Variants in PI4K2B observed in about 807,000 individuals in gnomAD.
The protein encoded by PI4K2B is phosphatidylinositol 4-kinase type 2-beta.
Under a neutral mutation model 56.6 loss-of-function variants are expected in PI4K2B, and 46 were observed. The ratio of observed to expected loss-of-function variants is 0.81; its 90% confidence interval spans 0.64 to 1.04. PI4K2B has a LOEUF of 1.04. PI4K2B is among the 50% of genes least tolerant of loss of function. The probability of loss-of-function intolerance (pLI) is 0.00; values close to 1 mark genes in which losing one functional copy is unlikely to be tolerated. For synonymous variants in PI4K2B, 211 were observed against 223.8 expected, an observed-to-expected ratio of 0.94 and a Z score of 0.51; for missense variants, 556 against 607.7, an observed-to-expected ratio of 0.91 and a Z score of 0.89.
rs80153812 is a variant in PI4K2B at position 25,250,930 on chromosome 4, A to C, written c.269-1391A>C. On this transcript the variant is annotated intron_variant, in intron 1 of 9. Coordinates refer to ENST00000264864, the MANE Select transcript of PI4K2B (RefSeq NM_018323.4). Reference sequence around the variant, plus strand: ...GCGTGTGAGATCATGGATGATTATAAGGTTTTTGGCCTAAGCAACTGGAAG... The same window carrying C: ...GCGTGTGAGATCATGGATGATTATACGGTTTTTGGCCTAAGCAACTGGAAG... Among the ~76,000 whole-genome samples the C allele has an allele frequency of 0.015, 2,295 of 152,260 alleles. 132 individuals carry two copies. The East Asian group carries it at 0.18, about 12-fold the overall frequency.
chr4:25,252,849 A>T (rs1716117077), intron 2 of PI4K2B, among the ~76,000 whole-genome samples: 1 of 152,102 alleles, frequency 6.6e-6, no homozygotes. Flanking sequence ...TCCTGGGCTC[A>T]AGCAAACCTC....
intron 9 of PI4K2B, among the ~76,000 whole-genome samples, chr4:25,273,685 G>A (rs963541457): frequency 1.4e-4 from 22 of 152,284 alleles, no homozygotes; most frequent in Non-Finnish European, 2.6e-4. Context: ...TGGATTTACC[G>A]ACATTCTAAG....
chr4:25,236,463 A>G (rs1313479307), intron 1 of PI4K2B, among the ~76,000 whole-genome samples: 1 of 150,902 alleles, frequency 6.6e-6, no homozygotes, highest in Non-Finnish European at 1.5e-5. Context: ...AGGCAGGAGA[A>G]TCGCTTCTGA....
chr4:25,256,888 C>T (rs1716281301), intron 4 of PI4K2B, among the ~76,000 whole-genome samples: 1 of 151,106 alleles, frequency 6.6e-6, no homozygotes, highest in African/African-American at 2.4e-5. Context: ...GATGCCTAAC[C>T]CAGTTTAGAG....
At chr4:25,268,858 T>G (rs1158416256) in intron 8 of PI4K2B, among the ~76,000 whole-genome samples, 1 of 152,188 alleles carries the variant, frequency 6.6e-6, no homozygotes, top group Non-Finnish European at 1.5e-5. Context: ...TAATACATAT[T>G]TGGTGACCTG....
chr4:25,245,043 C>T lies in PI4K2B; in HGVS notation c.269-7278C>T, dbSNP rs556852131. ...GGAAGAGTGACACCTTTTGTCCTCA[C>T]TTATATGAATAGGAAGGATACAATT... On this transcript the variant is annotated intron_variant, in intron 1 of 9. Coordinates refer to ENST00000264864, the MANE Select transcript of PI4K2B (RefSeq NM_018323.4). Among the ~76,000 whole-genome samples the T allele has an allele frequency of 5.3e-5, 8 of 152,306 alleles. No individual in the cohort carries two copies. The South Asian group carries it at 1.5e-3, about 28-fold the overall frequency.
chr4:25,268,339 CTT>C, intron 7 of PI4K2B, 102 bp from the exon 8 acceptor site: 2 of 922,902 alleles, frequency 2.2e-6, no homozygotes, highest in Non-Finnish European at 1.7e-6. Flanking sequence ...TTATCCTGTC[CTT>C]TTTTGGGGAG....
intron 9 of PI4K2B, among the ~76,000 whole-genome samples, chr4:25,272,461 A>G (rs540624045): frequency 1.3e-5 from 2 of 152,182 alleles, no homozygotes; most frequent in Non-Finnish European, 1.5e-5. Context: ...GACCATGTAC[A>G]TGACTATGTA....
intron 6 of PI4K2B, 129 bp from the exon 7 acceptor site, chr4:25,263,621 G>A (rs962366654): frequency 6.7e-6 from 3 of 446,964 alleles, no homozygotes; most frequent in Non-Finnish European, 1.2e-5. Flanking sequence ...ACTTTTTCTG[G>A]TAACATTATT....
At chr4:25,275,635 G>A (rs1349553103) in intron 9 of PI4K2B, among the ~76,000 whole-genome samples, 1 of 151,936 alleles carries the variant, frequency 6.6e-6, no homozygotes, top group African/African-American at 2.4e-5. Flanking sequence ...CTCCAGCCTG[G>A]GTGACAGAGC....
At chr4:25,249,348 G>A (rs1166056294) in intron 1 of PI4K2B, among the ~76,000 whole-genome samples, 2 of 151,888 alleles carry the variant, frequency 1.3e-5, no homozygotes, top group East Asian at 1.9e-4. Flanking sequence ...ACAGGGTGGC[G>A]GCCAGGCAGA....
chr4:25,263,415 C>G (rs965487029), intron 6 of PI4K2B, among the ~76,000 whole-genome samples: 10 of 152,068 alleles, frequency 6.6e-5, no homozygotes, highest in African/African-American at 2.4e-4. Context: ...TATTTTACAT[C>G]ATACATTTAA....
chr4:25,267,985 C>A, intron 7 of PI4K2B: 2 of 385,700 alleles, frequency 5.2e-6, no homozygotes, highest in Non-Finnish European at 7.1e-6. Context: ...ACTTTTGAAG[C>A]TGAAGTGGGA....
At chr4:25,264,497 G>A (rs13121926) in intron 7 of PI4K2B, among the ~76,000 whole-genome samples, 5,655 of 69,574 alleles carry the variant, frequency 0.081, 258 homozygotes, top group East Asian at 0.21. Context: ...GATAAATAAA[G>A]CCAGTTTTGC....
rs191999719 is a variant in PI4K2B at position 25,236,483 on chromosome 4, G to A, written c.268+2052G>A. Among the ~76,000 whole-genome samples, 18 of 151,966 alleles carry A rather than the reference G, an allele frequency of 1.2e-4. No homozygotes were observed. The East Asian group carries it at 3.3e-3, about 28-fold the overall frequency. ...GGAGAATCGCTTCTGAACCCGAGAG[G>A]TGTAGGTTGCAGTGAGCAGAGATGG... On this transcript the variant is annotated intron_variant, in intron 1 of 9. Coordinates refer to ENST00000264864, the MANE Select transcript of PI4K2B (RefSeq NM_018323.4).
At chr4:25,235,860 C>T (rs771306906) in intron 1 of PI4K2B, among the ~76,000 whole-genome samples, 1 of 152,008 alleles carries the variant, frequency 6.6e-6, no homozygotes, top group Non-Finnish European at 1.5e-5. Flanking sequence ...AGAAAAAAAT[C>T]AAAGCGAGAG....
In PI4K2B at chr4:25,278,677, A is replaced by C. The variant is rs187527524; in HGVS notation, c.*1490A>C. The C allele has an allele frequency of 6.6e-6, 1 of 152,598 alleles. No individual in the cohort carries two copies. The highest frequency in any genetic ancestry group is 2.1e-4 in the South Asian group (1 of 4,834). The allele number at this position is 152,598 out of a possible 1,614,324, so 9.5% of individuals were successfully genotyped here. On this transcript the variant is annotated 3_prime_UTR_variant, in exon 10 of 10. Transcript: ENST00000264864. ...ATGGAAAATTGACTGGAAATTCAAA[A>C]CTCAAACTACTATCTTTAGATATAA... is the stretch of plus-strand genomic sequence containing the variant.
intron 6 of PI4K2B, among the ~76,000 whole-genome samples, chr4:25,260,792 T>A (rs1716443649): frequency 6.6e-6 from 1 of 150,566 alleles, no homozygotes; most frequent in South Asian, 2.1e-4. Context: ...TAATCCTTGG[T>A]TTTTAAATCT....
rs750425290 is a variant in PI4K2B at position 25,259,159 on chromosome 4, A to G, written c.879A>G (p.Leu293=). 6.3e-7 allele frequency: 1 copy of G among 1,576,158 alleles called. No individual in the cohort carries two copies. Among genetic ancestry groups the G allele is most frequent in the East Asian group, 2.2e-5 (1 of 44,564 alleles). The change falls in exon 5 of 10, where the codon TTA becomes TTG. Residue 293 remains leucine, a synonymous_variant. Coordinates refer to ENST00000264864, the MANE Select transcript of PI4K2B (RefSeq NM_018323.4). The stretch of plus-strand genomic sequence containing the variant: ...AATTTCAGTCACAATTTGAAAGATT[A>G]GTTATTTTGGATTACATCATCAGAA... ...RKQFQSQFER[L]VILDYIIRNT...
Sources: gnomAD v4.1 joint callset for allele counts (sites outside exome capture counted in the v4.1 genomes callset) on GRCh38, gnomAD v4.1.1 for gene constraint, MANE v1.5 for transcripts, NCBI Gene and HGNC (gene_info 2026-07-23, HGNC 2026-07-21) for gene names.